The following PFDN4 variants were observed in gnomAD, a reference collection of about 807,000 sequenced individuals.
PFDN4 encodes prefoldin 4.
In PFDN4, 6 loss-of-function variants were observed where a neutral mutation model predicts 17.6. The ratio of observed to expected loss-of-function variants is 0.34; its 90% CI spans 0.19 to 0.67. The LOEUF is 0.67. Among genes scored for constraint, PFDN4 ranks in the 30% least tolerant of loss-of-function variants. The pLI, the probability that PFDN4 is intolerant of heterozygous loss-of-function variation, is 0.68. For missense variants in PFDN4, 119 were observed against 158.4 expected, an observed-to-expected ratio of 0.75 and a Z score of 1.33; for synonymous variants, 48 against 51.1, an observed-to-expected ratio of 0.94 and a Z score of 0.26.
chr20:54,210,911 C>T (rs2092754941), intron 1 of PFDN4, among the ~76,000 whole-genome samples: 1 of 152,182 alleles, frequency 6.6e-6, no homozygotes, highest in Non-Finnish European at 1.5e-5. Context: ...TAAACTACTG[C>T]ATGGATGAAA....
chr20:54,217,162 G>A (rs2092763698), intron 3 of PFDN4, among the ~76,000 whole-genome samples: 1 of 151,176 alleles, frequency 6.6e-6, no homozygotes, highest in Admixed American at 6.6e-5. Context: ...GGATAGAGGT[G>A]GCTTTAAGAA....
chr20:54,210,757 T>A (rs1274903883), intron 1 of PFDN4, among the ~76,000 whole-genome samples: 1 of 152,246 alleles, frequency 6.6e-6, no homozygotes, highest in Non-Finnish European at 1.5e-5. Flanking sequence ...TCATCACGTT[T>A]GTCACCATTG....
At chr20:54,216,473 CTTATGT>C (rs896654658) in intron 3 of PFDN4, among the ~76,000 whole-genome samples, 2 of 152,060 alleles carry the variant, frequency 1.3e-5, no homozygotes, top group African/African-American at 4.8e-5. Context: ...ATATGTCTCC[CTTATGT>C]TTAAATCTTT....
chr20:54,209,396 A>T (rs957246621), intron 1 of PFDN4, among the ~76,000 whole-genome samples: 2 of 152,108 alleles, frequency 1.3e-5, no homozygotes, highest in Non-Finnish European at 2.9e-5. Context: ...AGGGTGACCC[A>T]TTGCCCCCTT....
At chr20:54,218,742 C>T in intron 3 of PFDN4, among the ~76,000 whole-genome samples, 1 of 152,094 alleles carries the variant, frequency 6.6e-6, no homozygotes, top group South Asian at 2.1e-4. Flanking sequence ...GTATTTGGTT[C>T]TTTGTTAGGA....
chr20:54,211,037 A>G (rs965443260), intron 1 of PFDN4, among the ~76,000 whole-genome samples: 5 of 152,196 alleles, frequency 3.3e-5, no homozygotes, highest in Non-Finnish European at 1.5e-5. Flanking sequence ...GTGAGCCAAG[A>G]TCACACCACT....
At position 54,219,901 on chromosome 20, in the gene PFDN4, T is replaced by C; in HGVS notation, c.*751T>C. 2.6e-6 allele frequency: 1 copy of C among 391,820 alleles called. No individual in the cohort carries two copies. The highest frequency in any genetic ancestry group is 4.5e-6 in the Non-Finnish European group (1 of 222,422). The allele number at this position is 391,820 out of a possible 1,614,324, so 24.3% of individuals were successfully genotyped here. A position where few individuals can be genotyped will look rare whatever the true frequency, so the allele number is the denominator to read the frequency against. The stretch of plus-strand genomic sequence containing the variant: ...GATAAAGATGTGGAAGTTAAACAGC[T>C]ATGTATGTAAAAGTAAGGCTTATTT... On this transcript the variant is annotated 3_prime_UTR_variant, in exon 4 of 4. Coordinates refer to ENST00000371419, the MANE Select transcript of PFDN4 (RefSeq NM_002623.4).
At chr20:54,209,038 A>G (rs1486131436) in intron 1 of PFDN4, 1 of 152,230 alleles carries the variant, frequency 6.6e-6, no homozygotes, top group East Asian at 1.9e-4. Context: ...GAAGAAAAAG[A>G]AAATTGGAGA....
At chr20:54,211,646 C>T (rs937589954) in intron 1 of PFDN4, among the ~76,000 whole-genome samples, 2 of 152,170 alleles carry the variant, frequency 1.3e-5, no homozygotes, top group Non-Finnish European at 2.9e-5. Flanking sequence ...TCCCACCACT[C>T]TGTGTGCTGC....
At chr20:54,216,957 G>A (rs992895157) in intron 3 of PFDN4, among the ~76,000 whole-genome samples, 4 of 152,062 alleles carry the variant, frequency 2.6e-5, no homozygotes, top group Non-Finnish European at 5.9e-5. Flanking sequence ...CACCACACCC[G>A]GCTGAACCTT....
chr20:54,211,244 C>A (rs1017276179), intron 1 of PFDN4, among the ~76,000 whole-genome samples: 4 of 152,154 alleles, frequency 2.6e-5, no homozygotes, highest in African/African-American at 9.7e-5. Context: ...CCGTGTAATA[C>A]CTAGACTTGG....
intron 1 of PFDN4, among the ~76,000 whole-genome samples, chr20:54,213,805 AT>A (rs57477196): frequency 6.6e-6 from 1 of 152,156 alleles, no homozygotes; most frequent in Non-Finnish European, 1.5e-5. Flanking sequence ...AATTTTCATC[AT>A]TTTTTAGTAA....
intron 3 of PFDN4, among the ~76,000 whole-genome samples, chr20:54,217,288 G>T (rs1208614028): frequency 6.6e-6 from 1 of 152,070 alleles, no homozygotes; most frequent in African/African-American, 2.4e-5. Flanking sequence ...AGGGGCGGCG[G>T]GGGGCGGGGG....
chr20:54,212,195 C>CAAA (rs11468663), intron 1 of PFDN4, among the ~76,000 whole-genome samples: 3 of 131,486 alleles, frequency 2.3e-5, no homozygotes, highest in Admixed American at 7.9e-5. Context: ...TCTGTCTCAC[C>CAAA]AAAAAAAAAA....
At chr20:54,212,352 G>A (rs1346398675) in intron 1 of PFDN4, among the ~76,000 whole-genome samples, 2 of 152,208 alleles carry the variant, frequency 1.3e-5, no homozygotes, top group Admixed American at 6.5e-5. Flanking sequence ...TGGGCGGCAT[G>A]CAGTATATTT....
rs928780958 is a variant in PFDN4 at position 54,219,866 on chromosome 20, G to A, written c.*716G>A. 6 of 395,460 alleles carry A rather than the reference G, an allele frequency of 1.5e-5. No individual in the cohort carries two copies. The highest frequency in any genetic ancestry group is 2.2e-5 in the Non-Finnish European group (5 of 224,548). 24.5% of individuals were successfully genotyped at this position (395,460 alleles called of 1,614,324 possible). On this transcript the variant is annotated 3_prime_UTR_variant, in exon 4 of 4. Transcript: ENST00000371419. Reference sequence around the variant, plus strand: ...ATTTTAGTGCTTTGTAATTAATTGGGGTTTATATTGATAAAGATGTGGAAG... The same window carrying A: ...ATTTTAGTGCTTTGTAATTAATTGGAGTTTATATTGATAAAGATGTGGAAG...
chr20:54,219,722 C>T lies in PFDN4; in HGVS notation c.*572C>T. ...GGTAAAAGAATGGGTAATGTTTAAA[C>T]ATGTGGAGGCATGTGGAGCTTTATA... On this transcript the variant is annotated 3_prime_UTR_variant, in exon 4 of 4. Coordinates refer to ENST00000371419, the MANE Select transcript of PFDN4 (RefSeq NM_002623.4). 2.5e-6 allele frequency: 1 copy of T among 397,626 alleles called. No individual in the cohort carries two copies. The highest frequency in any genetic ancestry group is 4.4e-6 in the Non-Finnish European group (1 of 225,934). The allele number at this position is 397,626 out of a possible 1,614,324, so 24.6% of individuals were successfully genotyped here. A position where few individuals can be genotyped will look rare whatever the true frequency, so the allele number is the denominator to read the frequency against.
intron 1 of PFDN4, chr20:54,208,800 T>C (rs2092751862): frequency 6.6e-6 from 1 of 151,460 alleles, no homozygotes; most frequent in Non-Finnish European, 1.5e-5. Flanking sequence ...TCCCCGCAAC[T>C]CAGCAAGTGC....
chr20:54,219,320 TAAAAG>T lies in PFDN4; in HGVS notation c.*173_*177del, dbSNP rs1172687669. On this transcript the variant is annotated 3_prime_UTR_variant, in exon 4 of 4. Coordinates refer to ENST00000371419, the MANE Select transcript of PFDN4 (RefSeq NM_002623.4). ...TGTCTGCTTATTTATTTTATATTTTTAAAAGAAGACAGTATTCACCTATGTATTTT... is the reference window on the plus strand; with the variant it reads ...TGTCTGCTTATTTATTTTATATTTTTAAGACAGTATTCACCTATGTATTTT... The T allele has an allele frequency of 4.0e-6, 2 of 500,894 alleles. No individual in the cohort carries two copies. Among genetic ancestry groups the T allele is most frequent in the East Asian group, 6.9e-5 (2 of 29,104 alleles). 31.0% of individuals were successfully genotyped at this position (500,894 alleles called of 1,614,324 possible).
Sources: gnomAD v4.1 joint callset for allele counts (sites outside exome capture counted in the v4.1 genomes callset) on GRCh38, gnomAD v4.1.1 for gene constraint, MANE v1.5 for transcripts, NCBI Gene and HGNC (gene_info 2026-07-23, HGNC 2026-07-21) for gene names.